The following YJU2B variants were observed in gnomAD, a reference collection of about 807,000 sequenced individuals.
The protein encoded by YJU2B is probable splicing factor YJU2B.
In YJU2B, 18 loss-of-function variants were observed where a neutral mutation model predicts 38.0. The observed-to-expected ratio is 0.47, with a 90% CI of 0.33 to 0.70. The LOEUF (loss-of-function observed/expected upper bound fraction) is 0.70. Ranked by LOEUF, YJU2B falls within the 30% of genes least tolerant of loss-of-function variation. The probability of loss-of-function intolerance (pLI) is 0.02; values close to 1 mark genes in which losing one functional copy is unlikely to be tolerated. For synonymous variants in YJU2B, 246 were observed against 225.4 expected (o/e 1.09, Z -0.82); for missense variants, 538 against 556.3 (o/e 0.97, Z 0.33).
chr19:13,755,762 C>G (rs1162227972), intron 3 of YJU2B, among the ~76,000 whole-genome samples: 2 of 151,982 alleles, frequency 1.3e-5, no homozygotes, highest in African/African-American at 4.8e-5. Context: ...TGGAGACCAG[C>G]CTGGGTGACA....
intron 3 of YJU2B, among the ~76,000 whole-genome samples, chr19:13,754,591 A>G (rs1052723229): frequency 1.3e-5 from 2 of 152,196 alleles, no homozygotes; most frequent in East Asian, 3.9e-4. Context: ...GATAAGGCAG[A>G]GCGCACAGAT....
chr19:13,743,618 C>T (rs1568279674), upstream of YJU2B, among the ~76,000 whole-genome samples: 2 of 137,370 alleles, frequency 1.5e-5, no homozygotes, highest in South Asian at 2.3e-4. Flanking sequence ...AAAGCCTGGG[C>T]GCAGTGGCTC....
At chr19:13,741,778 C>CTTA (rs1237983558) in intron 2 of YJU2B, among the ~76,000 whole-genome samples, 2 of 151,968 alleles carry the variant, frequency 1.3e-5, no homozygotes, top group African/African-American at 4.8e-5. Context: ...ATTGGAGGGC[C>CTTA]TTATAAGCTG....
chr19:13,748,381 C>T (rs1248782450), intron 1 of YJU2B, among the ~76,000 whole-genome samples: 2 of 152,016 alleles, frequency 1.3e-5, no homozygotes, highest in African/African-American at 4.8e-5. Context: ...GAAAATGAGG[C>T]TTAGAGAGAG....
chr19:13,744,211 T>C (rs1973172405), upstream of YJU2B, among the ~76,000 whole-genome samples: 1 of 151,766 alleles, frequency 6.6e-6, no homozygotes, highest in African/African-American at 2.4e-5. Context: ...AAGAAAAAGA[T>C]TTAAACATCT....
chr19:13,750,225 G>GT (rs869106677), intron 1 of YJU2B, among the ~76,000 whole-genome samples: 6 of 151,836 alleles, frequency 4.0e-5, no homozygotes, highest in African/African-American at 1.2e-4. Context: ...GAGTTCATTG[G>GT]TTTTTTTTGT....
At chr19:13,743,836 T>C (rs1973159700), upstream of YJU2B, among the ~76,000 whole-genome samples, 1 of 148,720 alleles carries the variant, frequency 6.7e-6, no homozygotes, top group African/African-American at 2.5e-5. Flanking sequence ...GAGGTTGCAG[T>C]GAGCCGAGAC....
intron 1 of YJU2B, chr19:13,731,963 G>C (rs1324670258): frequency 6.6e-6 from 1 of 152,256 alleles, no homozygotes; most frequent in Non-Finnish European, 1.5e-5. Flanking sequence ...TTGAGATCAT[G>C]GTCCAGTTCT....
intron 2 of YJU2B, among the ~76,000 whole-genome samples, chr19:13,753,761 C>G (rs1973560122): frequency 6.6e-6 from 1 of 152,030 alleles, no homozygotes; most frequent in South Asian, 2.1e-4. Flanking sequence ...AGGAAAAGCT[C>G]CTTGTAAAAC....
At chr19:13,748,157 G>A (rs1943412154) in intron 1 of YJU2B, among the ~76,000 whole-genome samples, 1 of 152,158 alleles carries the variant, frequency 6.6e-6, no homozygotes, top group African/African-American at 2.4e-5. Flanking sequence ...AAGTGCCCGG[G>A]ACCCGGTCCC....
chr19:13,759,544 G>A lies in YJU2B; in HGVS notation c.573+272G>A, dbSNP rs572266000. On this transcript the variant is annotated intron_variant, in intron 8 of 9. Coordinates refer to ENST00000221554, the MANE Select transcript of YJU2B (RefSeq NM_030818.4). ...TTGGGAGGATCGCTTGAGGCCAGGA[G>A]TTCAAGATCAGCCTGGGCAACATAG... The A allele has an allele frequency of 7.6e-4, 251 of 332,184 alleles. 1 individual carries two copies. The highest frequency in any genetic ancestry group is 1.1e-3 in the South Asian group (17 of 15,046). The allele number at this position is 332,184 out of a possible 1,614,324, so 20.6% of individuals were successfully genotyped here. A position where few individuals can be genotyped will look rare whatever the true frequency, so the allele number is the denominator to read the frequency against.
Position 13,759,384 on chromosome 19 carries a change from C to T in YJU2B, c.573+112C>T, listed in dbSNP as rs1450476939. 4 of 808,802 alleles carry T rather than the reference C, an allele frequency of 4.9e-6. No individual in the cohort carries two copies. The East Asian group carries it at 1.1e-4, about 22-fold the overall frequency. 50.1% of individuals were successfully genotyped at this position (808,802 alleles called of 1,614,324 possible). A position where few individuals can be genotyped will look rare whatever the true frequency, so the allele number is the denominator to read the frequency against. On this transcript the variant is annotated intron_variant, in intron 8 of 9. Coordinates refer to ENST00000221554, the MANE Select transcript of YJU2B (RefSeq NM_030818.4). ...TGAGCAGGCCACTGTACCCTCTGAG[C>T]CTCAGTTTCCCCATCTGCTACATGG...
At chr19:13,743,913 G>T (rs996147885), upstream of YJU2B, among the ~76,000 whole-genome samples, 4 of 136,162 alleles carry the variant, frequency 2.9e-5, no homozygotes, top group African/African-American at 8.3e-5. Context: ...AAAAAAATAG[G>T]CTGGGCGCAG....
At chr19:13,750,714 T>C (rs1449115187) in intron 1 of YJU2B, among the ~76,000 whole-genome samples, 1 of 151,632 alleles carries the variant, frequency 6.6e-6, no homozygotes, top group African/African-American at 2.4e-5. Context: ...ACAAAAAAAT[T>C]AGCCAGGCTT....
At chr19:13,744,389 C>T (rs1249165945), upstream of YJU2B, among the ~76,000 whole-genome samples, 1 of 152,066 alleles carries the variant, frequency 6.6e-6, no homozygotes, top group East Asian at 1.9e-4. Context: ...CTGGGGTTTC[C>T]AAGACTCTGA....
chr19:13,750,548 T>C (rs1234333852), intron 1 of YJU2B, among the ~76,000 whole-genome samples: 1 of 152,006 alleles, frequency 6.6e-6, no homozygotes, highest in Admixed American at 6.6e-5. Flanking sequence ...TTGATGGATA[T>C]GATATGTAGG....
intron 2 of YJU2B, among the ~76,000 whole-genome samples, chr19:13,739,695 C>G (rs939989025): frequency 1.3e-5 from 2 of 152,150 alleles, no homozygotes; most frequent in African/African-American, 2.4e-5. Context: ...CTTCTTTATC[C>G]TTCCAGTCAC....
upstream of YJU2B, among the ~76,000 whole-genome samples, chr19:13,747,343 T>G (rs1357362723): frequency 6.6e-6 from 1 of 152,196 alleles, no homozygotes; most frequent in Non-Finnish European, 1.5e-5. Flanking sequence ...TTCCCCCACC[T>G]AACTATTTAA....
intron 8 of YJU2B, among the ~76,000 whole-genome samples, chr19:13,760,541 C>T (rs566976161): frequency 1.6e-4 from 24 of 152,224 alleles, no homozygotes; most frequent in African/African-American, 5.8e-4. Flanking sequence ...CATAGCTCAC[C>T]CCTACCTCAC....
Sources: allele counts gnomAD v4.1 joint callset (sites outside exome capture counted in the v4.1 genomes callset), GRCh38; gene constraint gnomAD v4.1.1; transcripts MANE v1.5; gene names NCBI Gene and HGNC (gene_info 2026-07-23, HGNC 2026-07-21).